Variants in DLG2 observed in about 807,000 individuals in gnomAD.
The protein encoded by DLG2 is discs large MAGUK scaffold protein 2.
DLG2 carries 45 observed loss-of-function variants against 132.5 expected under a neutral mutation model. That is an observed-to-expected ratio of 0.34 (90% CI 0.27 to 0.44). DLG2 has a LOEUF of 0.44. DLG2 is among the 20% of genes least tolerant of loss of function. The pLI, the probability that DLG2 is intolerant of heterozygous loss-of-function variation, is 1.00. For missense variants in DLG2, 1,045 were observed against 1,196.9 expected (o/e 0.87, Z 1.87); for synonymous variants, 424 against 419.6 (o/e 1.01, Z -0.13).
intron 27 of DLG2, among the ~76,000 whole-genome samples, chr11:83,460,735 T>TA (rs1322882942): frequency 4.6e-5 from 7 of 152,192 alleles, no homozygotes; most frequent in African/African-American, 7.2e-5. Context: ...TTTAGATATT[T>TA]AAAAACAATC....
At chr11:84,049,730 T>C (rs1258598855) in intron 11 of DLG2, among the ~76,000 whole-genome samples, 1 of 151,816 alleles carries the variant, frequency 6.6e-6, no homozygotes, top group African/African-American at 2.4e-5. Flanking sequence ...TTGATATTCA[T>C]CCTTTTCATG....
At chr11:84,072,170 C>T (rs897532464) in intron 10 of DLG2, among the ~76,000 whole-genome samples, 2 of 152,194 alleles carry the variant, frequency 1.3e-5, no homozygotes, top group African/African-American at 2.4e-5. Context: ...ATTGAATCCA[C>T]CTGCCTTTTT....
intron 18 of DLG2, among the ~76,000 whole-genome samples, chr11:83,745,938 A>C (rs1406554289): frequency 6.6e-6 from 1 of 152,258 alleles, no homozygotes; most frequent in Non-Finnish European, 1.5e-5. Context: ...GACACTTCTC[A>C]AAAGAAGACA....
chr11:83,535,775 G>T (rs1324524286), intron 20 of DLG2, among the ~76,000 whole-genome samples: 1 of 152,048 alleles, frequency 6.6e-6, no homozygotes, highest in Admixed American at 6.6e-5. Context: ...AATATAAGTG[G>T]CTGCTGAAGT....
At chr11:84,026,806 C>T (rs1026194028) in intron 11 of DLG2, among the ~76,000 whole-genome samples, 2 of 152,034 alleles carry the variant, frequency 1.3e-5, no homozygotes, top group Non-Finnish European at 2.9e-5. Context: ...CCAAAATTCA[C>T]TATTTTTTAA....
chr11:83,941,059 G>A (rs1466086286), intron 14 of DLG2, among the ~76,000 whole-genome samples: 1 of 152,128 alleles, frequency 6.6e-6, no homozygotes, highest in Non-Finnish European at 1.5e-5. Context: ...CCATGTCTAG[G>A]GTTACAAGAT....
intron 7 of DLG2, among the ~76,000 whole-genome samples, chr11:84,482,980 G>C (rs2099141666): frequency 6.6e-6 from 1 of 152,104 alleles, no homozygotes; most frequent in Non-Finnish European, 1.5e-5. Flanking sequence ...ATAGAGAACT[G>C]TTCAAACATT....
In DLG2 at chr11:84,243,607, A is replaced by G. The variant is rs181058029; in HGVS notation, c.573+7631T>C. 2.2e-3 allele frequency among the ~76,000 whole-genome samples: 329 copies of G among 152,278 alleles called. 1 individual carries two copies. The highest frequency in any genetic ancestry group is 5.3e-3 in the Admixed American group (81 of 15,294). On this transcript the variant is annotated intron_variant, in intron 8 of 27. Transcript: ENST00000376104. ...TTTTTATTTTAAAACATAGTTTCTG[A>G]TTTAGTAGGTCTTTGGTGGAACTTT...
At chr11:84,666,578 C>A (rs7939569) in intron 6 of DLG2, among the ~76,000 whole-genome samples, 33,557 of 151,908 alleles carry the variant, frequency 0.22, 4,114 homozygotes, top group South Asian at 0.34. Flanking sequence ...GGACCCTCTC[C>A]TCATCAGCAA....
chr11:84,767,308 T>C (rs868671739), intron 6 of DLG2, among the ~76,000 whole-genome samples: 4 of 152,046 alleles, frequency 2.6e-5, no homozygotes, highest in South Asian at 2.1e-4. Context: ...TTCTAAAATT[T>C]CATATTAGAT....
At chr11:84,086,654 T>C (rs1292059191) in intron 10 of DLG2, among the ~76,000 whole-genome samples, 1 of 151,962 alleles carries the variant, frequency 6.6e-6, no homozygotes, top group East Asian at 1.9e-4. Context: ...CACACCTGGC[T>C]AATTTTTGTA....
At chr11:85,289,820 C>A (rs182503023) in intron 3 of DLG2, among the ~76,000 whole-genome samples, 10 of 152,260 alleles carry the variant, frequency 6.6e-5, no homozygotes, top group Admixed American at 2.6e-4. Context: ...AAATCCCATA[C>A]TTTCTCTTCT....
At chr11:83,893,666 T>C (rs759899351) in intron 15 of DLG2, among the ~76,000 whole-genome samples, 3 of 152,230 alleles carry the variant, frequency 2.0e-5, no homozygotes, top group Non-Finnish European at 4.4e-5. Context: ...CAATTTTGTA[T>C]TTGTTGACTT....
intron 15 of DLG2, among the ~76,000 whole-genome samples, chr11:83,877,859 C>A (rs187301620): frequency 3.8e-4 from 58 of 152,286 alleles, no homozygotes; most frequent in Non-Finnish European, 6.5e-4. Context: ...TTTGGAGCTA[C>A]CTGATGGTGA....
chr11:84,720,460 A>G, intron 6 of DLG2: 1 of 985,296 alleles, frequency 1.0e-6, no homozygotes, highest in Non-Finnish European at 1.2e-6. Context: ...CGCCGGGCAC[A>G]TGGAGCGACA....
intron 8 of DLG2, among the ~76,000 whole-genome samples, chr11:84,191,868 T>C (rs2096414569): frequency 6.6e-6 from 1 of 152,028 alleles, no homozygotes; most frequent in South Asian, 2.1e-4. Flanking sequence ...GAACAAACTG[T>C]AATTTGTGTA....
At chr11:85,395,279 C>T (rs2087208005) in intron 3 of DLG2, among the ~76,000 whole-genome samples, 1 of 152,240 alleles carries the variant, frequency 6.6e-6, no homozygotes, top group East Asian at 1.9e-4. Flanking sequence ...AGATAAGAAG[C>T]AGTTGCTTCC....
chr11:84,402,416 T>G (rs1240896226), intron 7 of DLG2, among the ~76,000 whole-genome samples: 1 of 152,178 alleles, frequency 6.6e-6, no homozygotes, highest in Non-Finnish European at 1.5e-5. Flanking sequence ...TGATATTAAG[T>G]GGCAACATAG....
chr11:84,373,741 TAGG>T (rs2098718396), intron 7 of DLG2, among the ~76,000 whole-genome samples: 2 of 152,214 alleles, frequency 1.3e-5, no homozygotes, highest in African/African-American at 4.8e-5. Flanking sequence ...TTTTAGTTTC[TAGG>T]AGTTGTTGAT....
Sources: allele counts gnomAD v4.1 joint callset (sites outside exome capture counted in the v4.1 genomes callset), GRCh38; gene constraint gnomAD v4.1.1; transcripts MANE v1.5; gene names NCBI Gene and HGNC (gene_info 2026-07-23, HGNC 2026-07-21).